ATG10: variants seen among roughly 807,000 people sequenced by gnomAD.
ATG10 encodes ubiquitin-like-conjugating enzyme ATG10.
A neutral mutation model predicts 32.1 loss-of-function variants in ATG10; 30 were observed. That is an observed-to-expected ratio of 0.94 (90% confidence interval 0.70 to 1.27). ATG10 has a LOEUF of 1.27. Among genes scored for constraint, ATG10 ranks in the 50% most tolerant of loss-of-function variants. ATG10 has a pLI of 0.00. For synonymous variants in ATG10, 87 were observed against 91.5 expected (o/e 0.95, Z 0.28); for missense variants, 233 against 262.3 (o/e 0.89, Z 0.77).
At chr5:82,187,752 T>A (rs1455336623) in intron 5 of ATG10, among the ~76,000 whole-genome samples, 1 of 151,526 alleles carries the variant, frequency 6.6e-6, no homozygotes, top group Non-Finnish European at 1.5e-5. Flanking sequence ...CACGCCTGGC[T>A]AATTTTTGTA....
chr5:82,016,030 C>A (rs1257060727), intron 2 of ATG10, among the ~76,000 whole-genome samples: 1 of 152,114 alleles, frequency 6.6e-6, no homozygotes, highest in African/African-American at 2.4e-5. Context: ...TTCTCCCAGT[C>A]TGTGGGTTGT....
intron 3 of ATG10, among the ~76,000 whole-genome samples, chr5:82,135,728 A>G (rs1234148101): frequency 2.6e-5 from 4 of 152,328 alleles, no homozygotes; most frequent in East Asian, 1.9e-4. Flanking sequence ...GTAGATGTCT[A>G]TTAGGTCCAC....
At chr5:82,153,478 A>G (rs1242826408) in intron 3 of ATG10, among the ~76,000 whole-genome samples, 2 of 152,176 alleles carry the variant, frequency 1.3e-5, no homozygotes, top group African/African-American at 4.8e-5. Flanking sequence ...TTGGATAATC[A>G]GAGGTGACAG....
At chr5:82,233,322 G>A (rs1280272644) in intron 5 of ATG10, among the ~76,000 whole-genome samples, 1 of 152,132 alleles carries the variant, frequency 6.6e-6, no homozygotes, top group Non-Finnish European at 1.5e-5. Context: ...AATGACTAAC[G>A]AATTGCCCTT....
At chr5:81,989,310 A>G (rs1761384882) in intron 2 of ATG10, among the ~76,000 whole-genome samples, 1 of 152,194 alleles carries the variant, frequency 6.6e-6, no homozygotes, top group Non-Finnish European at 1.5e-5. Context: ...TATGATTCAG[A>G]ACTGGGCCTG....
intron 3 of ATG10, among the ~76,000 whole-genome samples, chr5:82,085,879 A>T (rs1764669905): frequency 6.6e-6 from 1 of 152,142 alleles, no homozygotes; most frequent in Non-Finnish European, 1.5e-5. Flanking sequence ...CTCAAAATAC[A>T]TTTAAAAGTC....
intron 2 of ATG10, among the ~76,000 whole-genome samples, chr5:82,039,342 G>T (rs1459110957): frequency 6.6e-6 from 1 of 152,134 alleles, no homozygotes; most frequent in Non-Finnish European, 1.5e-5. Context: ...GAAGAGAGAA[G>T]TTGGAAATAT....
chr5:82,138,667 G>A (rs1422852979), intron 3 of ATG10, among the ~76,000 whole-genome samples: 2 of 152,120 alleles, frequency 1.3e-5, no homozygotes, highest in Non-Finnish European at 2.9e-5. Flanking sequence ...GTTTCCATTT[G>A]ACCATCTTGC....
At chr5:82,112,734 A>AC (rs1765657856) in intron 3 of ATG10, among the ~76,000 whole-genome samples, 2 of 151,980 alleles carry the variant, frequency 1.3e-5, no homozygotes, top group South Asian at 4.1e-4. Context: ...GGTTTGTGAT[A>AC]ATTGATCCAT....
intron 4 of ATG10, among the ~76,000 whole-genome samples, chr5:82,177,107 G>T (rs1480084634): frequency 6.6e-6 from 1 of 152,174 alleles, no homozygotes; most frequent in Non-Finnish European, 1.5e-5. Flanking sequence ...TGAGGGCTGG[G>T]AGGAGATTCC....
At chr5:81,996,242 C>T (rs1323148442) in intron 2 of ATG10, among the ~76,000 whole-genome samples, 2 of 152,138 alleles carry the variant, frequency 1.3e-5, no homozygotes, top group Non-Finnish European at 2.9e-5. Flanking sequence ...GGTGCAGTTA[C>T]TAAATTGTTA....
intron 5 of ATG10, among the ~76,000 whole-genome samples, chr5:82,235,636 C>T (rs1746524440): frequency 6.6e-6 from 1 of 152,226 alleles, no homozygotes; most frequent in African/African-American, 2.4e-5. Flanking sequence ...CCCTTCTGCA[C>T]TTGCAGGGGT....
intron 5 of ATG10, among the ~76,000 whole-genome samples, chr5:82,201,707 TTGGATCTG>T (rs1258640126): frequency 2.0e-5 from 3 of 152,228 alleles, no homozygotes; most frequent in Non-Finnish European, 4.4e-5. Context: ...TGGGATTGTG[TTGGATCTG>T]TGGGTTGATT....
At chr5:82,209,395 A>G (rs1187665603) in intron 5 of ATG10, among the ~76,000 whole-genome samples, 1 of 152,116 alleles carries the variant, frequency 6.6e-6, no homozygotes, top group Admixed American at 6.5e-5. Flanking sequence ...TCATGAGAGA[A>G]GAGCCTTCAA....
intron 2 of ATG10, among the ~76,000 whole-genome samples, chr5:82,042,217 A>G (rs1763105399): frequency 6.6e-6 from 1 of 152,190 alleles, no homozygotes; most frequent in Admixed American, 6.5e-5. Context: ...GTGAGGGGGA[A>G]GCATGCACAT....
chr5:82,196,646 A>T (rs972230168), intron 5 of ATG10, among the ~76,000 whole-genome samples: 1 of 152,180 alleles, frequency 6.6e-6, no homozygotes, highest in Non-Finnish European at 1.5e-5. Context: ...TGTAAAGACT[A>T]TTCTTTTCCC....
At position 82,117,602 on chromosome 5, in the gene ATG10, C is replaced by A. The variant is rs192316915; in HGVS notation, c.217-46797C>A. On this transcript the variant is annotated intron_variant, in intron 3 of 7. Transcript: ENST00000282185. ...AAGTACACTATTCTTGTAACTACGC[C>A]GTCCTTGACCTATTTCAGCTTAAAG... Among the ~76,000 whole-genome samples the A allele has an allele frequency of 1.6e-3, 239 of 152,158 alleles. 1 individual carries two copies. Among genetic ancestry groups the A allele is most frequent in the African/African-American group, 5.4e-3 (223 of 41,508 alleles).
Position 82,057,260 on chromosome 5 carries a change from G to C in ATG10, c.109-1235G>C, listed in dbSNP as rs538753516. 2.6e-5 allele frequency among the ~76,000 whole-genome samples: 4 copies of C among 152,280 alleles called. No homozygotes were observed. The East Asian group carries it at 5.8e-4, about 22-fold the overall frequency. On this transcript the variant is annotated intron_variant, in intron 2 of 7. Transcript: ENST00000282185. ...AAGTGTCTTAAAAAATAGAGTTACT[G>C]TATTAGTTTCCTAGGAATGTTATAA...
chr5:81,984,098 C>T (rs1261671394), intron 1 of ATG10, among the ~76,000 whole-genome samples: 2 of 152,220 alleles, frequency 1.3e-5, no homozygotes, highest in Non-Finnish European at 2.9e-5. Context: ...GAGGCTGCAG[C>T]GAGCCGAGAT....
Sources: gnomAD v4.1 joint callset for allele counts (sites outside exome capture counted in the v4.1 genomes callset) on GRCh38, gnomAD v4.1.1 for gene constraint, MANE v1.5 for transcripts, NCBI Gene and HGNC (gene_info 2026-07-23, HGNC 2026-07-21) for gene names.